The following NPAS2 variants were observed in gnomAD, a reference collection of about 807,000 sequenced individuals.
NPAS2 encodes the protein neuronal PAS domain-containing protein 2.
A neutral mutation model predicts 107.5 loss-of-function variants in NPAS2; 23 were observed. The ratio of observed to expected loss-of-function variants is 0.21; its 90% confidence interval spans 0.15 to 0.30. The LOEUF is 0.30. Ranked by LOEUF, NPAS2 falls within the 10% of genes least tolerant of loss-of-function variation. The pLI, the probability that NPAS2 is intolerant of heterozygous loss-of-function variation, is 1.00. For missense variants in NPAS2, 756 were observed against 1,043.3 expected (o/e 0.72, Z 3.79); for synonymous variants, 403 against 417.5 (o/e 0.97, Z 0.42).
intron 1 of NPAS2, among the ~76,000 whole-genome samples, chr2:100,834,754 A>G (rs529206497): frequency 2.0e-5 from 3 of 151,616 alleles, no homozygotes; most frequent in Non-Finnish European, 2.9e-5. Flanking sequence ...GAGTGCAGTG[A>G]TGTGATATTG....
At chr2:100,939,007 G>A (rs568867152) in intron 5 of NPAS2, among the ~76,000 whole-genome samples, 11 of 152,220 alleles carry the variant, frequency 7.2e-5, no homozygotes, top group Admixed American at 1.3e-4. Context: ...CTGGAGGACC[G>A]CGGTTCCCTC....
intron 12 of NPAS2, among the ~76,000 whole-genome samples, chr2:100,974,484 G>C (rs901113227): frequency 2.0e-5 from 3 of 152,090 alleles, no homozygotes; most frequent in Non-Finnish European, 2.9e-5. Flanking sequence ...CCCCCTTCTT[G>C]GAAAGTCAAG....
intron 1 of NPAS2, among the ~76,000 whole-genome samples, chr2:100,890,886 T>C (rs1681011646): frequency 6.6e-6 from 1 of 152,054 alleles, no homozygotes; most frequent in South Asian, 2.1e-4. Context: ...AGGAGACCCC[T>C]GGCTGCACAG....
At position 100,965,068 on chromosome 2, in the gene NPAS2, G is replaced by A. The variant is rs1407173986; in HGVS notation, c.800+125G>A. The A allele has an allele frequency of 3.5e-5, 21 of 604,040 alleles. No individual in the cohort carries two copies. In the Admixed American group the frequency reaches 3.8e-4, roughly 11 times the overall value. 37.4% of individuals were successfully genotyped at this position (604,040 alleles called of 1,614,324 possible). A position where few individuals can be genotyped will look rare whatever the true frequency, so the allele number is the denominator to read the frequency against. On this transcript the variant is annotated intron_variant, in intron 9 of 20. Coordinates refer to ENST00000335681, the MANE Select transcript of NPAS2 (RefSeq NM_002518.4). This position sits in a 1 kb window ranked among gnomAD's most constrained non-coding sequence, Gnocchi z 4.3. ...GAAAGAGGAGGACTCTCTGGCACTA[G>A]GAAAAGTCGTCCCTGCCAAGGGTGG...
intron 2 of NPAS2, among the ~76,000 whole-genome samples, chr2:100,914,786 C>G (rs1393696984): frequency 6.6e-6 from 1 of 152,168 alleles, no homozygotes; most frequent in Non-Finnish European, 1.5e-5. Context: ...TGGAGTTAGC[C>G]TACTCCGTCC....
intron 2 of NPAS2, among the ~76,000 whole-genome samples, chr2:100,905,314 C>T (rs147677548): frequency 3.6e-4 from 55 of 152,102 alleles, no homozygotes; most frequent in Non-Finnish European, 7.2e-4. Context: ...AGACACCTTG[C>T]GCTGTGGTTG....
At chr2:100,884,833 A>G (rs1048017234) in intron 1 of NPAS2, among the ~76,000 whole-genome samples, 47 of 152,156 alleles carry the variant, frequency 3.1e-4, no homozygotes, top group Non-Finnish European at 8.8e-5. Context: ...TATTTCTAGG[A>G]GAGTTAGAAG....
chr2:100,944,570 C>T (rs1020034296), intron 5 of NPAS2, among the ~76,000 whole-genome samples: 7 of 152,256 alleles, frequency 4.6e-5, no homozygotes, highest in East Asian at 1.9e-4. Context: ...TTCAAGGGAC[C>T]GTTCAACTGC....
At chr2:100,957,917 A>G (rs532874463) in intron 7 of NPAS2, among the ~76,000 whole-genome samples, 45 of 152,222 alleles carry the variant, frequency 3.0e-4, no homozygotes, top group African/African-American at 8.2e-4. Flanking sequence ...GACAGAGCGA[A>G]ACTCAGTCTC....
chr2:100,890,970 C>A (rs113886108), intron 1 of NPAS2, among the ~76,000 whole-genome samples: 10 of 152,014 alleles, frequency 6.6e-5, no homozygotes, highest in African/African-American at 2.4e-4. Context: ...CAGTGGCTCA[C>A]GCCTGTAATC....
At chr2:100,845,270 G>T (rs1677702701) in intron 1 of NPAS2, among the ~76,000 whole-genome samples, 1 of 152,202 alleles carries the variant, frequency 6.6e-6, no homozygotes, top group Admixed American at 6.5e-5. Context: ...TGGCTTCGTG[G>T]ATGGTGGCTG....
At chr2:100,920,929 C>T (rs7602455) in intron 2 of NPAS2, among the ~76,000 whole-genome samples, 15,590 of 152,266 alleles carry the variant, frequency 0.1, 933 homozygotes, top group East Asian at 0.27. Context: ...AAGCGAAGGT[C>T]GCAGTCTTCC....
chr2:100,919,302 C>A (rs1442088981), intron 2 of NPAS2, among the ~76,000 whole-genome samples: 1 of 152,156 alleles, frequency 6.6e-6, no homozygotes, highest in Non-Finnish European at 1.5e-5. Context: ...TACCTTTATA[C>A]ATGTGCTAAA....
At chr2:100,862,905 C>A (rs762704917) in intron 1 of NPAS2, among the ~76,000 whole-genome samples, 6 of 152,116 alleles carry the variant, frequency 3.9e-5, no homozygotes, top group Non-Finnish European at 8.8e-5. Flanking sequence ...TCTTACCCTG[C>A]CTTTTGGCAG....
intron 1 of NPAS2, among the ~76,000 whole-genome samples, chr2:100,853,717 C>T (rs1228575516): frequency 6.6e-6 from 1 of 152,044 alleles, no homozygotes; most frequent in Non-Finnish European, 1.5e-5. Context: ...ACGGTGGACA[C>T]GTGGAGGAGA....
chr2:100,878,429 G>A, intron 1 of NPAS2: 1 of 985,394 alleles, frequency 1.0e-6, no homozygotes, highest in Non-Finnish European at 1.2e-6. Context: ...GTTGGACAAG[G>A]ACATGAGAAA....
chr2:100,902,400 A>T (rs539551544), intron 1 of NPAS2, among the ~76,000 whole-genome samples: 30 of 152,344 alleles, frequency 2.0e-4, no homozygotes, highest in African/African-American at 7.2e-4. Flanking sequence ...TTAAAAAGGA[A>T]GGAGAGTGTG....
chr2:100,875,845 G>C, intron 1 of NPAS2, among the ~76,000 whole-genome samples: 1 of 152,228 alleles, frequency 6.6e-6, no homozygotes, highest in Non-Finnish European at 1.5e-5. Flanking sequence ...AAGGGGAGAC[G>C]GATGAGGAAA....
intron 4 of NPAS2, among the ~76,000 whole-genome samples, chr2:100,936,835 A>T (rs1346784582): frequency 6.6e-6 from 1 of 151,992 alleles, no homozygotes; most frequent in African/African-American, 2.4e-5. Context: ...TACAAAAATT[A>T]GCTGGGCCTG....
Sources: allele counts gnomAD v4.1 joint callset (sites outside exome capture counted in the v4.1 genomes callset), GRCh38; gene constraint gnomAD v4.1.1; non-coding constraint Gnocchi (gnomAD v3.1); transcripts MANE v1.5; gene names NCBI Gene and HGNC (gene_info 2026-07-23, HGNC 2026-07-21).